Variants in USP7 observed in about 807,000 individuals in gnomAD.
USP7 encodes the protein ubiquitin specific peptidase 7.
A neutral mutation model predicts 162.9 loss-of-function variants in USP7; 9 were observed. The observed-to-expected ratio is 0.06, with a 90% CI of 0.03 to 0.10. The LOEUF (loss-of-function observed/expected upper bound fraction) is 0.10, where lower values mean the gene tolerates loss of function less well. Among genes scored for constraint, USP7 ranks in the 10% least tolerant of loss-of-function variants. The probability of loss-of-function intolerance (pLI) is 1.00; values close to 1 mark genes in which losing one functional copy is unlikely to be tolerated. For missense variants in USP7, 715 were observed against 1,373.7 expected (o/e 0.52, Z 7.58); for synonymous variants, 562 against 475.9 (o/e 1.18, Z -2.35).
chr16:8,907,133 C>T (rs1023283484), intron 12 of USP7, among the ~76,000 whole-genome samples: 2 of 152,362 alleles, frequency 1.3e-5, no homozygotes, highest in South Asian at 2.1e-4. Flanking sequence ...ACAGCCCCTG[C>T]GGCCTTCAGG....
At chr16:8,955,389 C>T in intron 1 of USP7, among the ~76,000 whole-genome samples, 1 of 150,970 alleles carries the variant, frequency 6.6e-6, no homozygotes, top group South Asian at 2.2e-4. Flanking sequence ...GGATTACAGG[C>T]ATAAGCCACC....
At chr16:8,940,754 T>A (rs1596404582) in intron 1 of USP7, among the ~76,000 whole-genome samples, 1 of 152,112 alleles carries the variant, frequency 6.6e-6, no homozygotes, top group East Asian at 1.9e-4. Context: ...AGGCCTCTCC[T>A]AGGTGAAGCT....
chr16:8,900,561 G>A lies in USP7; in HGVS notation c.2278C>T (p.Leu760=). ...DVSLDKALDE[L]MDGDIIVFQK... is the part of the protein sequence containing the mutation. ...AATACTATGATGTCACCATCCATTAGTTCATCAAGGGCTTTATCAAGAGAC... is the reference window on the plus strand; with the variant it reads ...AATACTATGATGTCACCATCCATTAATTCATCAAGGGCTTTATCAAGAGAC... The change falls in exon 21 of 31, where the codon CTA becomes TTA. Residue 760 remains leucine, a synonymous_variant. Transcript: ENST00000344836. 4 of 1,611,402 alleles carry A rather than the reference G, an allele frequency of 2.5e-6. No individual in the cohort carries two copies. The highest frequency in any genetic ancestry group is 3.4e-6 in the Non-Finnish European group (4 of 1,179,332).
intron 12 of USP7, 111 bp from the exon 13 acceptor site, chr16:8,906,693 A>T: frequency 8.8e-7 from 1 of 1,137,332 alleles, no homozygotes; most frequent in East Asian, 2.6e-5. Flanking sequence ...TAGGATAAGC[A>T]TGAATTGCCT....
At chr16:8,957,764 A>T (rs201347539) in intron 1 of USP7, among the ~76,000 whole-genome samples, 4 of 70,936 alleles carry the variant, frequency 5.6e-5, no homozygotes, top group East Asian at 2.6e-4. Flanking sequence ...CTCTTAAATT[A>T]AAAAAAAAAC....
chr16:8,961,659 T>G (rs1262995616), intron 1 of USP7, among the ~76,000 whole-genome samples: 1 of 152,108 alleles, frequency 6.6e-6, no homozygotes. Flanking sequence ...TCATGGGAAA[T>G]CCATATGCTC....
chr16:8,907,659 T>C (rs915442145), intron 12 of USP7, among the ~76,000 whole-genome samples: 13 of 152,094 alleles, frequency 8.5e-5, no homozygotes, highest in African/African-American at 2.4e-4. Flanking sequence ...CTGGCCAGCA[T>C]AGTGAAACCC....
intron 12 of USP7, among the ~76,000 whole-genome samples, chr16:8,907,567 T>A (rs1349909752): frequency 6.6e-6 from 1 of 152,230 alleles, no homozygotes; most frequent in Non-Finnish European, 1.5e-5. Context: ...CCTAGAAAAC[T>A]ACTTGTGGCC....
chr16:8,955,513 G>C (rs578047366), intron 1 of USP7, among the ~76,000 whole-genome samples: 1 of 152,182 alleles, frequency 6.6e-6, no homozygotes, highest in African/African-American at 2.4e-5. Flanking sequence ...ATGAGGTCAG[G>C]CCTGGCCAAC....
Position 8,917,166 on chromosome 16 carries a change from TTAAGAAA to T in USP7, c.721-17_721-11del. 6.3e-7 allele frequency: 1 copy of T among 1,581,914 alleles called. No homozygotes were observed. Among genetic ancestry groups the T allele is most frequent in the Non-Finnish European group, 8.5e-7 (1 of 1,170,804 alleles). On this transcript the variant is annotated splice_polypyrimidine_tract_variant and intron_variant, in intron 6 of 30. Coordinates refer to ENST00000344836, the MANE Select transcript of USP7 (RefSeq NM_003470.3). ...GCATCATGTACACAGCCTGAAACAA[TTAAGAAA>T]TAAGAATTTTTACTCTGAGAAGATG...
chr16:8,938,846 G>A (rs926109640), intron 1 of USP7, among the ~76,000 whole-genome samples: 2 of 152,040 alleles, frequency 1.3e-5, no homozygotes, highest in Admixed American at 1.3e-4. Context: ...TATAAGCCAC[G>A]TAGAGATAAT....
chr16:8,940,224 C>A lies in USP7; in HGVS notation c.80-9827G>T, dbSNP rs78001601. Among the ~76,000 whole-genome samples, 1,500 of 152,292 alleles carry A rather than the reference C, an allele frequency of 9.8e-3. 13 individuals carry two copies. Among genetic ancestry groups the A allele is most frequent in the Middle Eastern group, 0.017 (5 of 294 alleles). Reference sequence around the variant, plus strand: ...CTATCTACGCATCCTATAGCCAGGTCACCTGTCTAGGCATCCTACAGCCAG... The same window carrying A: ...CTATCTACGCATCCTATAGCCAGGTAACCTGTCTAGGCATCCTACAGCCAG... On this transcript the variant is annotated intron_variant, in intron 1 of 30. Coordinates refer to ENST00000344836, the MANE Select transcript of USP7 (RefSeq NM_003470.3).
At chr16:8,944,397 T>C (rs1418284660) in intron 1 of USP7, among the ~76,000 whole-genome samples, 4 of 152,180 alleles carry the variant, frequency 2.6e-5, no homozygotes, top group African/African-American at 7.2e-5. Flanking sequence ...ATTTACACCT[T>C]GGCAACTAAG....
intron 1 of USP7, among the ~76,000 whole-genome samples, chr16:8,961,704 T>G (rs1900023299): frequency 6.6e-6 from 1 of 152,172 alleles, no homozygotes. Flanking sequence ...CGGGTACCAT[T>G]TGAAAAGGAA....
chr16:8,921,033 C>A, intron 4 of USP7, 124 bp downstream of exon 4: 5 of 1,116,510 alleles, frequency 4.5e-6, no homozygotes, highest in Non-Finnish European at 6.2e-6. Context: ...TTCAAAGACA[C>A]TTGTCCAATT....
chr16:8,913,505 G>C (rs556881007), intron 10 of USP7, among the ~76,000 whole-genome samples: 1 of 151,960 alleles, frequency 6.6e-6, no homozygotes, highest in Non-Finnish European at 1.5e-5. Context: ...GCAAGAAGAC[G>C]GTAGAACGTC....
intron 1 of USP7, among the ~76,000 whole-genome samples, chr16:8,943,062 T>C (rs1899120899): frequency 6.6e-6 from 1 of 152,150 alleles, no homozygotes; most frequent in Admixed American, 6.5e-5. Context: ...GACGCTTTGC[T>C]CTATATGCTG....
intron 26 of USP7, 77 bp from the exon 27 acceptor site, chr16:8,895,818 G>A (rs1264330231): frequency 3.2e-6 from 3 of 940,258 alleles, no homozygotes; most frequent in African/African-American, 1.8e-5. Flanking sequence ...TTTCTAGAAA[G>A]AAATAAAGTT....
At position 8,910,855 on chromosome 16, in the gene USP7, GTGC is replaced by G. The variant is rs1567217341; in HGVS notation, c.1079-31_1079-29del. On this transcript the variant is annotated intron_variant, in intron 10 of 30. Transcript: ENST00000344836. ...TTAAAGAGAGAGAGAGAAAAGTCAA[GTGC>G]TAAAGCTTCATTTATAATGTAGCCA... is the stretch of plus-strand genomic sequence containing the variant. 2.5e-6 allele frequency: 4 copies of G among 1,577,656 alleles called. No individual in the cohort carries two copies. In the South Asian group the frequency reaches 4.4e-5, roughly 17 times the overall value.
Sources: allele counts gnomAD v4.1 joint callset (sites outside exome capture counted in the v4.1 genomes callset), GRCh38; gene constraint gnomAD v4.1.1; transcripts MANE v1.5; gene names NCBI Gene and HGNC (gene_info 2026-07-23, HGNC 2026-07-21).